ARID5B: variants seen among roughly 807,000 people sequenced by gnomAD.
ARID5B encodes the protein AT-rich interaction domain 5B, also known as AT-rich interactive domain-containing protein 5B.
In ARID5B, 13 loss-of-function variants were observed where a neutral mutation model predicts 97.2. The observed-to-expected ratio is 0.13, with a 90% CI of 0.09 to 0.21. ARID5B has a LOEUF of 0.21. Among genes scored for constraint, ARID5B ranks in the 10% least tolerant of loss-of-function variants. The pLI is 1.00. For missense variants in ARID5B, 1,210 were observed against 1,465.3 expected, an observed-to-expected ratio of 0.83 and a Z score of 2.84; for synonymous variants, 556 against 570.3, an observed-to-expected ratio of 0.97 and a Z score of 0.36.
intron 4 of ARID5B, among the ~76,000 whole-genome samples, chr10:62,049,745 A>G (rs1181036742): frequency 1.3e-5 from 2 of 152,174 alleles, no homozygotes; most frequent in Non-Finnish European, 2.9e-5. Flanking sequence ...AGTAGGATTA[A>G]TTGTGTTTGT....
intron 3 of ARID5B, among the ~76,000 whole-genome samples, chr10:61,969,971 A>T (rs192479722): frequency 6.6e-6 from 1 of 152,328 alleles, no homozygotes; most frequent in African/African-American, 2.4e-5. Flanking sequence ...AGCATATGTT[A>T]TGGCTTGCCA....
At chr10:62,077,205 G>A (rs573309566) in intron 8 of ARID5B, among the ~76,000 whole-genome samples, 2 of 152,244 alleles carry the variant, frequency 1.3e-5, no homozygotes, top group South Asian at 4.1e-4. Context: ...TCATACACAA[G>A]AGCCGCATAG....
At chr10:62,007,981 A>C (rs1839166948) in intron 4 of ARID5B, among the ~76,000 whole-genome samples, 1 of 151,610 alleles carries the variant, frequency 6.6e-6, no homozygotes. Context: ...ACTCATCATT[A>C]TCTGAAATTA....
chr10:61,995,155 C>T (rs1838979154), intron 3 of ARID5B, among the ~76,000 whole-genome samples: 1 of 152,140 alleles, frequency 6.6e-6, no homozygotes, highest in Non-Finnish European at 1.5e-5. Context: ...TTCTTTTTCT[C>T]TATGGGTGTG....
At chr10:62,013,596 C>A (rs748350630) in intron 4 of ARID5B, among the ~76,000 whole-genome samples, 1 of 151,894 alleles carries the variant, frequency 6.6e-6, no homozygotes, top group Admixed American at 6.6e-5. Context: ...CCAACTCCAG[C>A]CCCTGGTGAC....
chr10:61,905,705 C>T (rs1843696859), intron 2 of ARID5B, among the ~76,000 whole-genome samples: 1 of 152,106 alleles, frequency 6.6e-6, no homozygotes, highest in Non-Finnish European at 1.5e-5. Context: ...TGTGAACAGT[C>T]CCTCAGACAT....
chr10:61,936,358 C>G (rs1844299452), intron 2 of ARID5B, among the ~76,000 whole-genome samples: 1 of 152,200 alleles, frequency 6.6e-6, no homozygotes, highest in Admixed American at 6.5e-5. Flanking sequence ...TGGCTCACGC[C>G]TGTAATCCCA....
chr10:62,069,487 C>T (rs1840034325), intron 7 of ARID5B, among the ~76,000 whole-genome samples: 1 of 152,162 alleles, frequency 6.6e-6, no homozygotes. Context: ...AAATACACAT[C>T]CAAAAGTAGA....
In ARID5B at chr10:62,092,949, T is replaced by G. The variant is rs1235515490; in HGVS notation, c.3486T>G (p.Ile1162Met). The G allele has an allele frequency of 6.2e-7, 1 of 1,614,024 alleles. No homozygotes were observed. Among genetic ancestry groups the G allele is most frequent in the Non-Finnish European group, 8.5e-7 (1 of 1,180,010 alleles). ...ATGGGGACCTTTTGCATAACAGCAT[T>G]TACCCTTTAGCTGCTATAAATCCTC... The part of the protein sequence containing the change: ...SSYGDLLHNS[I>M]YPLAAINPQA... Residue 1162 changes from isoleucine (I) to methionine (M), a missense_variant, in exon 10 of 10, where the codon ATT becomes ATG. Around this residue, in one of 8 missense-constraint regions of ARID5B, gnomAD observed 54 missense variants for 67.4 expected, o/e 0.80. Transcript: ENST00000279873.
At chr10:61,965,971 T>C (rs1192320782) in intron 3 of ARID5B, among the ~76,000 whole-genome samples, 1 of 152,244 alleles carries the variant, frequency 6.6e-6, no homozygotes, top group Non-Finnish European at 1.5e-5. Context: ...CTTTTCTAGA[T>C]GAAAATCTAA....
At chr10:62,045,013 A>G (rs1225230616) in intron 4 of ARID5B, among the ~76,000 whole-genome samples, 1 of 152,232 alleles carries the variant, frequency 6.6e-6, no homozygotes, top group Non-Finnish European at 1.5e-5. Flanking sequence ...TTTAATACCA[A>G]TGGTCACTAT....
chr10:62,084,927 C>T (rs1840261342), intron 8 of ARID5B, among the ~76,000 whole-genome samples: 1 of 152,192 alleles, frequency 6.6e-6, no homozygotes. Context: ...CTAGTGGAGT[C>T]CCCTACCCCA....
chr10:61,978,610 C>A (rs1023020354), intron 3 of ARID5B, among the ~76,000 whole-genome samples: 2 of 152,100 alleles, frequency 1.3e-5, no homozygotes, highest in Non-Finnish European at 2.9e-5. Context: ...GTATTTTATT[C>A]TCTTTGAAGC....
chr10:61,928,550 C>T (rs1452789988), intron 2 of ARID5B, among the ~76,000 whole-genome samples: 2 of 152,158 alleles, frequency 1.3e-5, no homozygotes, highest in Admixed American at 6.5e-5. Context: ...ACCTTGGCCT[C>T]CCAAAGTGCT....
At chr10:61,987,463 T>TA (rs1340625134) in intron 3 of ARID5B, among the ~76,000 whole-genome samples, 5 of 152,222 alleles carry the variant, frequency 3.3e-5, no homozygotes, top group Admixed American at 6.5e-5. Flanking sequence ...AGCCAAGTGT[T>TA]ACAGAGTAAC....
In ARID5B at chr10:61,961,797, GAGTGCA is replaced by G. The variant is rs574405505; in HGVS notation, c.502+21391_502+21396del. Among the ~76,000 whole-genome samples the G allele has an allele frequency of 6.4e-3, 972 of 152,158 alleles. 17 individuals are homozygous for G. The highest frequency in any genetic ancestry group is 0.022 in the African/African-American group (925 of 41,488). Reference sequence around the variant, plus strand: ...AGTTTCACTCTTGTTGCTCAAGCTGGAGTGCAATGGTGCAATCTCGGCTCACTGCAA... The same window carrying G: ...AGTTTCACTCTTGTTGCTCAAGCTGGATGGTGCAATCTCGGCTCACTGCAA... On this transcript the variant is annotated intron_variant, in intron 3 of 9. Transcript: ENST00000279873.
chr10:62,066,924 G>T (rs1839997416), intron 7 of ARID5B, among the ~76,000 whole-genome samples: 1 of 152,084 alleles, frequency 6.6e-6, no homozygotes, highest in Non-Finnish European at 1.5e-5. Context: ...TTGCATGCTG[G>T]TCTGCTTTTC....
At chr10:61,999,492 C>T (rs1009612000) in intron 3 of ARID5B, among the ~76,000 whole-genome samples, 2 of 152,202 alleles carry the variant, frequency 1.3e-5, no homozygotes, top group African/African-American at 4.8e-5. Context: ...GGTGTTCACC[C>T]TCTTGGTCTC....
intron 3 of ARID5B, among the ~76,000 whole-genome samples, chr10:61,972,118 CTGAGAT>C (rs1838635981): frequency 6.6e-6 from 1 of 151,750 alleles, no homozygotes; most frequent in Non-Finnish European, 1.5e-5. Context: ...TACCACCATA[CTGAGAT>C]AACTAGTGTT....
Sources: allele counts gnomAD v4.1 joint callset (sites outside exome capture counted in the v4.1 genomes callset), GRCh38; gene constraint gnomAD v4.1.1; regional missense constraint gnomAD v4.1.1; transcripts MANE v1.5; gene names NCBI Gene and HGNC (gene_info 2026-07-23, HGNC 2026-07-21).